Variants in ASTN1 observed in about 807,000 individuals in gnomAD.
ASTN1 encodes astrotactin 1.
In ASTN1, 41 loss-of-function variants were observed where a neutral mutation model predicts 140.7. The observed-to-expected ratio is 0.29, with a 90% CI of 0.23 to 0.38. The LOEUF is 0.38. Ranked by LOEUF, ASTN1 falls within the 10% of genes least tolerant of loss-of-function variation. The pLI, the probability that ASTN1 is intolerant of heterozygous loss-of-function variation, is 1.00. For synonymous variants in ASTN1, 640 were observed against 652.2 expected, an observed-to-expected ratio of 0.98 and a Z score of 0.29; for missense variants, 1,479 against 1,678.8, an observed-to-expected ratio of 0.88 and a Z score of 2.08.
At chr1:177,087,492 C>T (rs1025488128) in intron 1 of ASTN1, among the ~76,000 whole-genome samples, 1 of 152,136 alleles carries the variant, frequency 6.6e-6, no homozygotes, top group African/African-American at 2.4e-5. Context: ...AGAGCCTGAA[C>T]ATTATTTATT....
chr1:177,032,462 T>G lies in ASTN1; in HGVS notation c.859A>C (p.Thr287Pro). The G allele has an allele frequency of 1.2e-6, 2 of 1,613,244 alleles. No individual in the cohort carries two copies. The change falls in exon 3 of 23, where the codon ACA (threonine) becomes CCA (proline). Residue 287 changes from threonine (T) to proline (P), a missense_variant. Thr to Pro is a conservative substitution (Grantham distance 38). Transcript: ENST00000361833. Reference sequence around the variant, plus strand: ...GCCTTTCTCCCATCCCCACCTGGTGTGAGGTCCATCCCCGACTTTTCATTG... The same window carrying G: ...GCCTTTCTCCCATCCCCACCTGGTGGGAGGTCCATCCCCGACTTTTCATTG... ...GCNEKSGMDL[T>P]PGSDNAKLSL... is the part of the protein sequence containing the mutation.
intron 8 of ASTN1, among the ~76,000 whole-genome samples, chr1:176,969,624 T>C (rs1461599810): frequency 2.6e-5 from 4 of 152,196 alleles, no homozygotes; most frequent in Non-Finnish European, 5.9e-5. Flanking sequence ...ATATTCATTT[T>C]GTGGAAAGGG....
chr1:177,124,443 G>C (rs1488047865), intron 1 of ASTN1, among the ~76,000 whole-genome samples: 1 of 152,152 alleles, frequency 6.6e-6, no homozygotes, highest in Non-Finnish European at 1.5e-5. Flanking sequence ...TCACCAGGAG[G>C]GATGAGATAA....
chr1:176,872,071 G>A (rs1230947333), intron 21 of ASTN1, among the ~76,000 whole-genome samples: 1 of 152,102 alleles, frequency 6.6e-6, no homozygotes, highest in African/African-American at 2.4e-5. Context: ...CACACCAGCT[G>A]TGTGGCCTGG....
At chr1:176,934,386 T>C in intron 15 of ASTN1, 46 bp from the exon 16 acceptor site, 1 of 1,533,850 alleles carries the variant, frequency 6.5e-7, no homozygotes, top group Non-Finnish European at 8.9e-7. Context: ...GCTCAGATTT[T>C]GGGTATACGG....
At chr1:177,151,608 C>T (rs1683038407) in intron 1 of ASTN1, among the ~76,000 whole-genome samples, 2 of 152,034 alleles carry the variant, frequency 1.3e-5, no homozygotes, top group Non-Finnish European at 2.9e-5. Flanking sequence ...TAGGGTCTTT[C>T]CAAGCTGAAT....
intron 16 of ASTN1, among the ~76,000 whole-genome samples, chr1:176,914,714 C>A (rs759469500): frequency 6.6e-6 from 1 of 151,978 alleles, no homozygotes; most frequent in Non-Finnish European, 1.5e-5. Flanking sequence ...AATCGTAGAC[C>A]GGAGGGAAAA....
At chr1:176,976,570 A>G (rs761921154) in intron 8 of ASTN1, 5 of 152,264 alleles carry the variant, frequency 3.3e-5, no homozygotes, top group Non-Finnish European at 5.9e-5. Flanking sequence ...TTCAAGTCCA[A>G]GTTCTGGATT....
At chr1:176,920,406 T>C (rs1670676936) in intron 16 of ASTN1, among the ~76,000 whole-genome samples, 1 of 152,202 alleles carries the variant, frequency 6.6e-6, no homozygotes, top group African/African-American at 2.4e-5. Flanking sequence ...GACCCGGGGA[T>C]GGCCTAATCT....
intron 17 of ASTN1, among the ~76,000 whole-genome samples, chr1:176,893,119 G>C (rs1473247116): frequency 1.3e-5 from 2 of 152,150 alleles, no homozygotes; most frequent in African/African-American, 2.4e-5. Flanking sequence ...AAGAAAGCAC[G>C]ATGTACTCTC....
intron 16 of ASTN1, among the ~76,000 whole-genome samples, chr1:176,921,065 A>T (rs1486543134): frequency 6.6e-6 from 1 of 152,164 alleles, no homozygotes; most frequent in Non-Finnish European, 1.5e-5. Context: ...GGGACCTTTG[A>T]CTAGTGTAGC....
At chr1:177,060,008 G>A (rs920862333) in intron 2 of ASTN1, among the ~76,000 whole-genome samples, 1 of 152,168 alleles carries the variant, frequency 6.6e-6, no homozygotes, top group Non-Finnish European at 1.5e-5. Context: ...TACCAAGTGT[G>A]ACAGGTTTTA....
At chr1:176,938,643 G>A (rs905368493) in intron 14 of ASTN1, among the ~76,000 whole-genome samples, 67 of 152,322 alleles carry the variant, frequency 4.4e-4, no homozygotes, top group African/African-American at 1.5e-3. Flanking sequence ...TAAGGTGAGA[G>A]TTTTAGGTGA....
At chr1:176,973,954 C>T (rs1222672546) in intron 8 of ASTN1, among the ~76,000 whole-genome samples, 1 of 152,208 alleles carries the variant, frequency 6.6e-6, no homozygotes. Flanking sequence ...ACCACAGATC[C>T]TCAACTTCTT....
At chr1:176,914,729 C>A in intron 16 of ASTN1, among the ~76,000 whole-genome samples, 1 of 152,056 alleles carries the variant, frequency 6.6e-6, no homozygotes, top group Non-Finnish European at 1.5e-5. Context: ...GGAAAAATAG[C>A]CAAAAGGCTG....
At chr1:177,160,205 C>T (rs1647275369) in intron 1 of ASTN1, among the ~76,000 whole-genome samples, 1 of 152,174 alleles carries the variant, frequency 6.6e-6, no homozygotes, top group Non-Finnish European at 1.5e-5. Context: ...AATGATGGAT[C>T]CATCAACTGT....
At chr1:177,087,024 A>T (rs1336731070) in intron 1 of ASTN1, among the ~76,000 whole-genome samples, 3 of 152,178 alleles carry the variant, frequency 2.0e-5, no homozygotes, top group African/African-American at 7.2e-5. Flanking sequence ...TTTTTTTAGA[A>T]TTTTTTCTAA....
At chr1:177,100,586 CT>C (rs1318927233) in intron 1 of ASTN1, among the ~76,000 whole-genome samples, 1 of 150,996 alleles carries the variant, frequency 6.6e-6, no homozygotes, top group Non-Finnish European at 1.5e-5. Context: ...AATATTTTGC[CT>C]TCAGGAGTTT....
At chr1:176,994,531 T>C (rs1339201448) in intron 8 of ASTN1, among the ~76,000 whole-genome samples, 1 of 152,046 alleles carries the variant, frequency 6.6e-6, no homozygotes, top group African/African-American at 2.4e-5. Context: ...TTAGTAGAGA[T>C]AGGGTTTCAT....
Sources: allele counts gnomAD v4.1 joint callset (sites outside exome capture counted in the v4.1 genomes callset), GRCh38; gene constraint gnomAD v4.1.1; transcripts MANE v1.5; gene names NCBI Gene and HGNC (gene_info 2026-07-23, HGNC 2026-07-21).